The following TRA2B variants were observed in gnomAD, a reference collection of about 807,000 sequenced individuals.
The protein encoded by TRA2B is transformer-2 protein homolog beta.
TRA2B carries 14 observed loss-of-function variants against 41.7 expected under a neutral mutation model. That is an observed-to-expected ratio of 0.34 (90% CI 0.22 to 0.53). The LOEUF (loss-of-function observed/expected upper bound fraction) is 0.53. Ranked by LOEUF, TRA2B falls within the 20% of genes least tolerant of loss-of-function variation. TRA2B has a pLI of 0.95. For synonymous variants in TRA2B, 130 were observed against 128.8 expected, an observed-to-expected ratio of 1.01 and a Z score of -0.06; for missense variants, 167 against 396.8, an observed-to-expected ratio of 0.42 and a Z score of 4.92.
chr3:185,933,179 C>T (rs1020158646), intron 1 of TRA2B, among the ~76,000 whole-genome samples: 5 of 152,126 alleles, frequency 3.3e-5, no homozygotes, highest in Non-Finnish European at 7.4e-5. Context: ...ACAGACAGGG[C>T]ACTTAGATGC....
rs563622912 is a variant in TRA2B, at chr3:185,917,497, T to C, written c.*218A>G. 6 of 493,592 alleles carry C rather than the reference T, an allele frequency of 1.2e-5. No individual in the cohort carries two copies. The highest frequency in any genetic ancestry group is 6.0e-5 in the African/African-American group (3 of 49,894). The allele number at this position is 493,592 out of a possible 1,614,324, so 30.6% of individuals were successfully genotyped here. A position where few individuals can be genotyped will look rare whatever the true frequency, so the allele number is the denominator to read the frequency against. On this transcript the variant is annotated 3_prime_UTR_variant, in exon 9 of 9. Transcript: ENST00000453386. ...ACTGTAAAAAAATACATGCAAAACATACTTTTCTGAAAACACTTAACTTGG... is the reference window on the plus strand; with the variant it reads ...ACTGTAAAAAAATACATGCAAAACACACTTTTCTGAAAACACTTAACTTGG...
chr3:185,937,035 C>T lies in TRA2B; in HGVS notation c.36+790G>A. ...AATGGTTGCCCGCCAATTTCTCCTT[C>T]ACAATCCCGTGGAAATGCGATGTCC... On this transcript the variant is annotated intron_variant, in intron 1 of 8. Transcript: ENST00000453386. 4.1e-6 allele frequency: 4 copies of T among 985,436 alleles called. No homozygotes were observed. In the African/African-American group the frequency reaches 5.2e-5, roughly 13 times the overall value. The allele number at this position is 985,436 out of a possible 1,614,324, so 61.0% of individuals were successfully genotyped here.
At chr3:185,935,126 C>T (rs2039117035) in intron 1 of TRA2B, 2 of 985,304 alleles carry the variant, frequency 2.0e-6, no homozygotes, top group Admixed American at 6.1e-5. Context: ...TTTTATTCAA[C>T]TTCTTGTAAT....
At chr3:185,935,436 G>A (rs910139217) in intron 1 of TRA2B, 1 of 985,212 alleles carries the variant, frequency 1.0e-6, no homozygotes, top group Non-Finnish European at 1.2e-6. Flanking sequence ...GTATTCTATT[G>A]AGTGATCAAA....
At chr3:185,935,104 A>T in intron 1 of TRA2B, 1 of 985,448 alleles carries the variant, frequency 1.0e-6, no homozygotes, top group Non-Finnish European at 1.2e-6. Context: ...ATTACCCTGC[A>T]CTTCATCAAC....
chr3:185,936,095 A>G (rs1744341485), intron 1 of TRA2B: 1 of 985,260 alleles, frequency 1.0e-6, no homozygotes, highest in Non-Finnish European at 1.2e-6. Context: ...ACTCTGGGCA[A>G]TTTTCCATTC....
In TRA2B at chr3:185,937,941, G is replaced by T; in HGVS notation, c.-81C>A. On this transcript the variant is annotated 5_prime_UTR_variant, in exon 1 of 9. Coordinates refer to ENST00000453386, the MANE Select transcript of TRA2B (RefSeq NM_004593.3). ...GCACCTTCCTTAAGGAGGCTCCGCC[G>T]CAGCCCCGCACGACGCGCCGGTCGC... The T allele has an allele frequency of 6.4e-7, 1 of 1,555,556 alleles. No individual in the cohort carries two copies. The highest frequency in any genetic ancestry group is 8.8e-7 in the Non-Finnish European group (1 of 1,138,106).
chr3:185,935,037 G>A (rs989629030), intron 1 of TRA2B: 3 of 985,282 alleles, frequency 3.0e-6, no homozygotes, highest in Admixed American at 6.1e-5. Context: ...CTGCGTGCAA[G>A]ACCAACATAC....
Position 185,933,766 on chromosome 3 carries a change from G to A in TRA2B, c.36+4059C>T, listed in dbSNP as rs945533892. Reference sequence around the variant, plus strand: ...ATCATCTGAAATTAGTTGTAGGCCTGTGCTTATAAAAACTCTCTTGTAAAT... The same window carrying A: ...ATCATCTGAAATTAGTTGTAGGCCTATGCTTATAAAAACTCTCTTGTAAAT... On this transcript the variant is annotated intron_variant, in intron 1 of 8. Transcript: ENST00000453386. 2.6e-5 allele frequency among the ~76,000 whole-genome samples: 4 copies of A among 151,700 alleles called. 1 individual carries two copies. Among genetic ancestry groups the A allele is most frequent in the Non-Finnish European group, 5.9e-5 (4 of 67,902 alleles).
At chr3:185,921,720 C>T (rs563903235) in intron 5 of TRA2B, among the ~76,000 whole-genome samples, 1 of 152,234 alleles carries the variant, frequency 6.6e-6, no homozygotes, top group African/African-American at 2.4e-5. Context: ...ACTGAGATTG[C>T]ACCATCGCAC....
At chr3:185,936,346 A>G in intron 1 of TRA2B, 8 of 985,438 alleles carry the variant, frequency 8.1e-6, no homozygotes, top group Non-Finnish European at 9.6e-6. Flanking sequence ...TTACCCAAGA[A>G]AGCAAGAACT....
intron 6 of TRA2B, among the ~76,000 whole-genome samples, chr3:185,920,672 T>C (rs1743693206): frequency 1.3e-5 from 2 of 152,024 alleles, no homozygotes; most frequent in South Asian, 2.1e-4. Flanking sequence ...CACCTGCCAG[T>C]AGCTGGGACT....
chr3:185,934,813 T>C (rs753776290), intron 1 of TRA2B: 6 of 985,462 alleles, frequency 6.1e-6, no homozygotes, highest in African/African-American at 1.7e-5. Context: ...CAGATGCTGC[T>C]ATTCATCTCT....
intron 1 of TRA2B, among the ~76,000 whole-genome samples, chr3:185,933,582 CA>C (rs537930375): frequency 1.4e-3 from 211 of 152,148 alleles, no homozygotes; most frequent in African/African-American, 4.4e-3. Context: ...TTGGGAGGGA[CA>C]GGGGCAAAGA....
At chr3:185,918,039 C>T (rs1209185803) in intron 8 of TRA2B, among the ~76,000 whole-genome samples, 2 of 151,976 alleles carry the variant, frequency 1.3e-5, no homozygotes, top group Non-Finnish European at 2.9e-5. Context: ...ACATTATTTA[C>T]TGTTTCAATT....
chr3:185,921,747 G>A (rs1352441712), intron 5 of TRA2B, among the ~76,000 whole-genome samples: 1 of 152,168 alleles, frequency 6.6e-6, no homozygotes, highest in Non-Finnish European at 1.5e-5. Flanking sequence ...CTGGGCGACA[G>A]AGCAAGACTC....
rs1408256786 is a variant in TRA2B at position 185,915,138 on chromosome 3, A to G, written c.*2577T>C. ...TCTGACAGGCGGCGGAGCTCAGGCA[A>G]TCCATGGCCAGGAGATCGGAAACCC... On this transcript the variant is annotated 3_prime_UTR_variant, in exon 9 of 9. Coordinates refer to ENST00000453386, the MANE Select transcript of TRA2B (RefSeq NM_004593.3). 6.6e-6 allele frequency among the ~76,000 whole-genome samples: 1 copy of G among 152,042 alleles called. No homozygotes were observed. The highest frequency in any genetic ancestry group is 6.5e-5 in the Admixed American group (1 of 15,268).
chr3:185,931,829 G>GC, intron 1 of TRA2B: 1 of 1,502,146 alleles, frequency 6.7e-7, no homozygotes, highest in Non-Finnish European at 8.8e-7. Context: ...GACGACTTCC[G>GC]CATTTTCCTT....
In TRA2B at chr3:185,925,640, ACCT is replaced by A. The variant is rs754956819; in HGVS notation, c.171-17_171-15del. On this transcript the variant is annotated splice_polypyrimidine_tract_variant and intron_variant, in intron 2 of 8. Coordinates refer to ENST00000453386, the MANE Select transcript of TRA2B (RefSeq NM_004593.3). ...CTGGATCTAGACCTGCAAGACAAAG[ACCT>A]CCTAAGGTTATGACTGAAAACAAAT... The A allele has an allele frequency of 2.1e-5, 34 of 1,610,126 alleles. No homozygotes were observed. The Admixed American group carries it at 4.6e-4, about 22-fold the overall frequency.
Sources: gnomAD v4.1 joint callset for allele counts (sites outside exome capture counted in the v4.1 genomes callset) on GRCh38, gnomAD v4.1.1 for gene constraint, MANE v1.5 for transcripts, NCBI Gene and HGNC (gene_info 2026-07-23, HGNC 2026-07-21) for gene names.